Variants in JAKMIP1 observed in about 807,000 individuals in gnomAD.
JAKMIP1 encodes the protein janus kinase and microtubule-interacting protein 1.
Under a neutral mutation model 113.0 loss-of-function variants are expected in JAKMIP1, and 33 were observed. That is an observed-to-expected ratio of 0.29 (90% CI 0.22 to 0.39). The LOEUF (loss-of-function observed/expected upper bound fraction) is 0.39, where lower values mean the gene tolerates loss of function less well. Among genes scored for constraint, JAKMIP1 ranks in the 10% least tolerant of loss-of-function variants. The pLI, the probability that JAKMIP1 is intolerant of heterozygous loss-of-function variation, is 1.00. For missense variants in JAKMIP1, 813 were observed against 1,080.5 expected (o/e 0.75, Z 3.47); for synonymous variants, 480 against 459.9 (o/e 1.04, Z -0.56).
At position 6,129,327 on chromosome 4, in the gene JAKMIP1, G is replaced by A. The variant is rs1477947975; in HGVS notation, c.-147-16330C>T. On this transcript the variant is annotated intron_variant, in intron 1 of 20. Coordinates refer to ENST00000409021, the MANE Select transcript of JAKMIP1 (RefSeq NM_001099433.2). The surrounding 1 kb of genome is among the most constrained non-coding windows in gnomAD (Gnocchi z 5.4). ...GCGTGGCCCCACCCCATGCCAGCCA[G>A]GAACCATTGATATTTAAATGTGGCC... Among the ~76,000 whole-genome samples, 1 of 152,228 alleles carries A rather than the reference G, an allele frequency of 6.6e-6. No homozygotes were observed. Among genetic ancestry groups the A allele is most frequent in the Non-Finnish European group, 1.5e-5 (1 of 68,038 alleles).
intron 8 of JAKMIP1, among the ~76,000 whole-genome samples, chr4:6,066,472 A>G (rs889073299): frequency 4.6e-5 from 7 of 152,064 alleles, no homozygotes; most frequent in Admixed American, 2.0e-4. Flanking sequence ...TGCATGGGGA[A>G]TACGACTCTC....
At position 6,192,408 on chromosome 4, in the gene JAKMIP1, C is replaced by T. The variant is rs1727375445; in HGVS notation, c.-148+7845G>A. Among the ~76,000 whole-genome samples, 1 of 152,176 alleles carries T rather than the reference C, an allele frequency of 6.6e-6. No homozygotes were observed. The highest frequency in any genetic ancestry group is 1.5e-5 in the Non-Finnish European group (1 of 68,028). On this transcript the variant is annotated intron_variant, in intron 1 of 20. Coordinates refer to ENST00000409021, the MANE Select transcript of JAKMIP1 (RefSeq NM_001099433.2). The surrounding 1 kb of genome is among the most constrained non-coding windows in gnomAD (Gnocchi z 5.0). ...GCATTAGGAAACTCATTCACAATCA[C>T]AATGACCATGACTTCCACAAGTAAC...
chr4:6,062,261 A>G, intron 10 of JAKMIP1, 51 bp downstream of exon 10: 3 of 1,604,494 alleles, frequency 1.9e-6, no homozygotes, highest in South Asian at 2.2e-5. Context: ...AAGGACCTAC[A>G]TGACCTGGCC....
At chr4:6,057,057 C>T (rs1403713033) in intron 11 of JAKMIP1, among the ~76,000 whole-genome samples, 1 of 152,174 alleles carries the variant, frequency 6.6e-6, no homozygotes, top group Non-Finnish European at 1.5e-5. Flanking sequence ...ACTGGCAGAC[C>T]CTCCACGCAT....
intron 19 of JAKMIP1, among the ~76,000 whole-genome samples, chr4:6,034,432 C>T (rs1436769324): frequency 6.6e-6 from 1 of 152,092 alleles, no homozygotes; most frequent in East Asian, 1.9e-4. Context: ...CCCAGAATGC[C>T]CTTTCCCTTT....
Position 6,042,157 on chromosome 4 carries a change from A to G in JAKMIP1, c.2097+2T>C. Reference sequence around the variant, plus strand: ...CCACCCCCAGGCAGTCAAATCTTTTACCTTCTCCTTCTCCAGGTCCAGCAT... The same window carrying G: ...CCACCCCCAGGCAGTCAAATCTTTTGCCTTCTCCTTCTCCAGGTCCAGCAT... On this transcript the variant is annotated splice_donor_variant, in intron 17 of 20. Transcript: ENST00000409021. LOFTEE classifies it high-confidence loss of function. This position sits in a 1 kb window ranked among gnomAD's most constrained non-coding sequence, Gnocchi z 5.2. 1 of 1,613,204 alleles carries G rather than the reference A, an allele frequency of 6.2e-7. No homozygotes were observed. Among genetic ancestry groups the G allele is most frequent in the South Asian group, 1.1e-5 (1 of 91,062 alleles).
intron 4 of JAKMIP1, 63 bp downstream of exon 4, chr4:6,085,357 G>C: frequency 1.3e-6 from 2 of 1,504,974 alleles, no homozygotes; most frequent in Non-Finnish European, 1.8e-6. Flanking sequence ...TGGCTGACCA[G>C]AAAAATGCCA....
At position 6,153,875 on chromosome 4, in the gene JAKMIP1, A is replaced by C. The variant is rs1721909852; in HGVS notation, c.-147-40878T>G. ...CTGTCACCTAAAATCTCACATCGCA[A>C]CACTGGTGAGCACTCTCACTGAGAA... On this transcript the variant is annotated intron_variant, in intron 1 of 20. Transcript: ENST00000409021. This position sits in a 1 kb window ranked among gnomAD's most constrained non-coding sequence, Gnocchi z 4.9. Among the ~76,000 whole-genome samples the C allele has an allele frequency of 6.6e-6, 1 of 152,246 alleles. No homozygotes were observed. The highest frequency in any genetic ancestry group is 1.5e-5 in the Non-Finnish European group (1 of 68,038).
chr4:6,095,289 GGAGGGAGA>G lies in JAKMIP1; in HGVS notation c.625-9668_625-9661del, dbSNP rs1209635002. Among the ~76,000 whole-genome samples the G allele has an allele frequency of 9.5e-5, 14 of 147,184 alleles. 1 individual carries two copies. The highest frequency in any genetic ancestry group is 3.3e-4 in the African/African-American group (13 of 39,756). On this transcript the variant is annotated intron_variant, in intron 3 of 20. Coordinates refer to ENST00000409021, the MANE Select transcript of JAKMIP1 (RefSeq NM_001099433.2). ...GGAAGAAAGGAAGGAAGGGAGGGAG[GGAGGGAGA>G]GAGGGAAGAAAGGAAGGGGAAAGAG... is the stretch of plus-strand genomic sequence containing the variant.
chr4:6,040,841 G>C lies in JAKMIP1; in HGVS notation c.2098-125C>G. 1 of 734,548 alleles carries C rather than the reference G, an allele frequency of 1.4e-6. No individual in the cohort carries two copies. The highest frequency in any genetic ancestry group is 2.4e-6 in the Non-Finnish European group (1 of 421,714). The allele number at this position is 734,548 out of a possible 1,614,324, so 45.5% of individuals were successfully genotyped here. A position where few individuals can be genotyped will look rare whatever the true frequency, so the allele number is the denominator to read the frequency against. Reference sequence around the variant, plus strand: ...GGGGCACTCAGATGAGAAGGGACTTGGTGGTCTTCCCCGTTTGCCCCCACA... The same window carrying C: ...GGGGCACTCAGATGAGAAGGGACTTCGTGGTCTTCCCCGTTTGCCCCCACA... On this transcript the variant is annotated intron_variant, in intron 17 of 20. Transcript: ENST00000409021. The surrounding 1 kb of genome is among the most constrained non-coding windows in gnomAD (Gnocchi z 5.8).
chr4:6,116,358 C>T lies in JAKMIP1; in HGVS notation c.-147-3361G>A, dbSNP rs1715784763. 6.6e-6 allele frequency among the ~76,000 whole-genome samples: 1 copy of T among 151,982 alleles called. No individual in the cohort carries two copies. The highest frequency in any genetic ancestry group is 2.1e-4 in the South Asian group (1 of 4,826). ...CCCGGGGATTTTCGTTCTGAGCCCA[C>T]TGCCCACCAAGCAGGAGATGGCACA... On this transcript the variant is annotated intron_variant, in intron 1 of 20. Transcript: ENST00000409021. This position sits in a 1 kb window ranked among gnomAD's most constrained non-coding sequence, Gnocchi z 5.1.
intron 1 of JAKMIP1, among the ~76,000 whole-genome samples, chr4:6,191,431 C>T (rs1435140251): frequency 6.6e-6 from 1 of 152,222 alleles, no homozygotes; most frequent in South Asian, 2.1e-4. Flanking sequence ...TCCCCCAGAA[C>T]GTAAGCTGCT....
intron 1 of JAKMIP1, among the ~76,000 whole-genome samples, chr4:6,117,992 G>A (rs190925937): frequency 9.9e-5 from 15 of 152,264 alleles, no homozygotes; most frequent in Admixed American, 7.8e-4. Flanking sequence ...TGTAGTTAAC[G>A]CAATTATTAC....
In JAKMIP1 at chr4:6,178,656, C is replaced by G. The variant is rs1414801140; in HGVS notation, c.-148+21597G>C. The stretch of plus-strand genomic sequence containing the variant: ...TGCCATGATTGTAAGTTTTTTAAGG[C>G]TTCCCCAGCCATGCAAAACTGTGAG... On this transcript the variant is annotated intron_variant, in intron 1 of 20. Transcript: ENST00000409021. The surrounding 1 kb of genome is among the most constrained non-coding windows in gnomAD (Gnocchi z 5.5). Among the ~76,000 whole-genome samples, 1 of 152,162 alleles carries G rather than the reference C, an allele frequency of 6.6e-6. No individual in the cohort carries two copies. The highest frequency in any genetic ancestry group is 1.5e-5 in the Non-Finnish European group (1 of 68,034).
At position 6,184,832 on chromosome 4, in the gene JAKMIP1, T is replaced by C. The variant is rs141669833; in HGVS notation, c.-148+15421A>G. Among the ~76,000 whole-genome samples, 714 of 152,326 alleles carry C rather than the reference T, an allele frequency of 4.7e-3. 9 individuals carry two copies. The highest frequency in any genetic ancestry group is 0.016 in the African/African-American group (677 of 41,582). On this transcript the variant is annotated intron_variant, in intron 1 of 20. Transcript: ENST00000409021. The surrounding 1 kb of genome is among the most constrained non-coding windows in gnomAD (Gnocchi z 4.5). ...AGGATCTTACCAAAGGAGATTCACATTTCAGTCAGTGGACTGGGAGAGGCA... is the reference window on the plus strand; with the variant it reads ...AGGATCTTACCAAAGGAGATTCACACTTCAGTCAGTGGACTGGGAGAGGCA...
In JAKMIP1 at chr4:6,167,091, G is replaced by A. The variant is rs910984112; in HGVS notation, c.-148+33162C>T. Among the ~76,000 whole-genome samples, 2 of 152,094 alleles carry A rather than the reference G, an allele frequency of 1.3e-5. No homozygotes were observed. The highest frequency in any genetic ancestry group is 2.4e-5 in the African/African-American group (1 of 41,404). ...TGCCTGGTGCGTAGGGGGTACTCAGGGTGGGCTGCTGGTATTATTAAAATT... is the reference window on the plus strand; with the variant it reads ...TGCCTGGTGCGTAGGGGGTACTCAGAGTGGGCTGCTGGTATTATTAAAATT... On this transcript the variant is annotated intron_variant, in intron 1 of 20. Coordinates refer to ENST00000409021, the MANE Select transcript of JAKMIP1 (RefSeq NM_001099433.2). This position sits in a 1 kb window ranked among gnomAD's most constrained non-coding sequence, Gnocchi z 5.3.
chr4:6,149,131 T>C (rs1256331939), intron 1 of JAKMIP1, among the ~76,000 whole-genome samples: 1 of 152,244 alleles, frequency 6.6e-6, no homozygotes, highest in Non-Finnish European at 1.5e-5. Context: ...CCACTGGGGC[T>C]GGACAGCTGG....
In JAKMIP1 at chr4:6,050,490, T is replaced by C. The variant is rs1050522457; in HGVS notation, c.1908+88A>G. 1 of 881,664 alleles carries C rather than the reference T, an allele frequency of 1.1e-6. No homozygotes were observed. Among genetic ancestry groups the C allele is most frequent in the Non-Finnish European group, 1.8e-6 (1 of 561,000 alleles). The allele number at this position is 881,664 out of a possible 1,614,324, so 54.6% of individuals were successfully genotyped here. On this transcript the variant is annotated intron_variant, in intron 14 of 20. Coordinates refer to ENST00000409021, the MANE Select transcript of JAKMIP1 (RefSeq NM_001099433.2). This position sits in a 1 kb window ranked among gnomAD's most constrained non-coding sequence, Gnocchi z 7.4. The stretch of plus-strand genomic sequence containing the variant: ...AGGGGTATCTCATGAAAATCAATTC[T>C]ATCCCAGCACTCCCCCTTTGCAGCT...
At chr4:6,102,083 G>C (rs1323316642) in intron 3 of JAKMIP1, among the ~76,000 whole-genome samples, 1 of 152,108 alleles carries the variant, frequency 6.6e-6, no homozygotes, top group Non-Finnish European at 1.5e-5. Context: ...GTTTTCAGGG[G>C]AGACATCTTA....
Sources: gnomAD v4.1 joint callset for allele counts (sites outside exome capture counted in the v4.1 genomes callset) on GRCh38, gnomAD v4.1.1 for gene constraint, Gnocchi (gnomAD v3.1) non-coding constraint, MANE v1.5 for transcripts, NCBI Gene and HGNC (gene_info 2026-07-23, HGNC 2026-07-21) for gene names.